The following CLASRP variants were observed in gnomAD, a reference collection of about 807,000 sequenced individuals.
CLASRP encodes the protein CLK4-associating serine/arginine rich protein.
A neutral mutation model predicts 99.9 loss-of-function variants in CLASRP; 52 were observed. That is an observed-to-expected ratio of 0.52 (90% CI 0.42 to 0.66). The LOEUF is 0.66. Among genes scored for constraint, CLASRP ranks in the 30% least tolerant of loss-of-function variants. The pLI, the probability that CLASRP is intolerant of heterozygous loss-of-function variation, is 0.00. For missense variants in CLASRP, 848 were observed against 999.2 expected, an observed-to-expected ratio of 0.85 and a Z score of 2.04; for synonymous variants, 379 against 373.0, an observed-to-expected ratio of 1.02 and a Z score of -0.18.
chr19:45,045,507 A>G (rs1449060570), intron 2 of CLASRP, among the ~76,000 whole-genome samples: 1 of 151,656 alleles, frequency 6.6e-6, no homozygotes, highest in African/African-American at 2.4e-5. Context: ...GGAGAATAAG[A>G]CCCTGTCTTT....
rs1485605232 is a variant in CLASRP, at chr19:45,052,886, C to T, written c.293C>T (p.Thr98Ile). Residue 98 changes from threonine to isoleucine, a missense_variant, in exon 4 of 21, where the codon ACC becomes ATC. Around this residue, in one of 8 missense-constraint regions of CLASRP, gnomAD observed 54 missense variants for 38.7 expected, o/e 1.39. Coordinates refer to ENST00000221455, the MANE Select transcript of CLASRP (RefSeq NM_007056.3). ...CCCGACTACACCCCCCCTCTGCTCA[C>T]CACCATGTAAGCCACCTCCCAGGGG... ...HIPDYTPPLL[T>I]TISPEQESDE... is the part of the protein sequence containing the mutation. 1.2e-6 allele frequency: 2 copies of T among 1,605,606 alleles called. No individual in the cohort carries two copies. Among genetic ancestry groups the T allele is most frequent in the Non-Finnish European group, 1.7e-6 (2 of 1,176,830 alleles).
chr19:45,057,926 C>A (rs763813777), intron 7 of CLASRP, 28 bp downstream of exon 7: 2 of 1,612,492 alleles, frequency 1.2e-6, no homozygotes, highest in Non-Finnish European at 1.7e-6. Flanking sequence ...CCCTCCCCAC[C>A]TGCAGTCCCT....
chr19:45,069,306 C>T lies in CLASRP; in HGVS notation c.1874+58C>T. The T allele has an allele frequency of 2.6e-6, 4 of 1,557,404 alleles. No homozygotes were observed. In the South Asian group the frequency reaches 4.5e-5, roughly 17 times the overall value. On this transcript the variant is annotated intron_variant, in intron 18 of 20. Coordinates refer to ENST00000221455, the MANE Select transcript of CLASRP (RefSeq NM_007056.3). The stretch of plus-strand genomic sequence containing the variant: ...CACCTCCTGGCCTGCCTGGCCTTCC[C>T]ACCATGGGCTGCTGGCTCAAGCCCT...
Position 45,069,019 on chromosome 19 carries a change from G to A in CLASRP, c.1769-47G>A, listed in dbSNP as rs1333562966. On this transcript the variant is annotated intron_variant, in intron 16 of 20. Transcript: ENST00000221455. The stretch of plus-strand genomic sequence containing the variant: ...AAAAAAAAAAAGAAAAAAGAGAGTG[G>A]GGCTCTTAAGGGAACCCCTCAGCCA... The A allele has an allele frequency of 3.3e-6, 5 of 1,515,612 alleles. No individual in the cohort carries two copies. In the African/African-American group the frequency reaches 4.1e-5, roughly 13 times the overall value. The allele number at this position is 1,515,612 out of a possible 1,614,324, so 93.9% of individuals were successfully genotyped here.
intron 10 of CLASRP, among the ~76,000 whole-genome samples, chr19:45,061,273 C>T (rs1966932656): frequency 6.6e-6 from 1 of 152,180 alleles, no homozygotes; most frequent in Non-Finnish European, 1.5e-5. Context: ...GGAAACATTC[C>T]TTAAAGAATA....
chr19:45,062,141 CT>C lies in CLASRP; in HGVS notation c.864-9del. The C allele has an allele frequency of 6.7e-7, 1 of 1,488,914 alleles. No homozygotes were observed. The highest frequency in any genetic ancestry group is 9.4e-7 in the Non-Finnish European group (1 of 1,066,524). 92.2% of individuals were successfully genotyped at this position (1,488,914 alleles called of 1,614,324 possible). A position where few individuals can be genotyped will look rare whatever the true frequency, so the allele number is the denominator to read the frequency against. ...AAGCCCTAATTTGTCCCACCCCATTCTTTTCTCTGTAGCTATGCCCGCCGAG... is the reference window on the plus strand; with the variant it reads ...AAGCCCTAATTTGTCCCACCCCATTCTTTCTCTGTAGCTATGCCCGCCGAG... On this transcript the variant is annotated splice_polypyrimidine_tract_variant and intron_variant, in intron 10 of 20. Coordinates refer to ENST00000221455, the MANE Select transcript of CLASRP (RefSeq NM_007056.3).
At position 45,039,362 on chromosome 19, in the gene CLASRP, A is replaced by C. The variant is rs533182360; in HGVS notation, c.-30+254A>C. Among the ~76,000 whole-genome samples the C allele has an allele frequency of 4.1e-3, 606 of 148,982 alleles. 6 individuals are homozygous for C. The highest frequency in any genetic ancestry group is 0.015 in the African/African-American group (579 of 39,174). ...ACAGGCCCCGCCCCCTTGTCAAAAA[A>C]AAAAACAACAAAAAAAAAACCCAGC... is the stretch of plus-strand genomic sequence containing the variant. On this transcript the variant is annotated intron_variant, in intron 1 of 20. Transcript: ENST00000221455.
rs140584027 is a variant in CLASRP, at chr19:45,070,074, C to T, written c.1927C>T (p.Arg643Trp). 2 of 1,607,116 alleles carry T rather than the reference C, an allele frequency of 1.2e-6. No individual in the cohort carries two copies. Among genetic ancestry groups the T allele is most frequent in the Non-Finnish European group, 1.7e-6 (2 of 1,173,682 alleles). ...EREEWERQYS[R>W]QSRSPSPRYS... ...AGAAGAGTGGGAACGCCAGTACAGCCGGCAGAGCCGCTCACCCTCCCCCCG... is the reference window on the plus strand; with the variant it reads ...AGAAGAGTGGGAACGCCAGTACAGCTGGCAGAGCCGCTCACCCTCCCCCCG... Residue 643 changes from arginine to tryptophan, a missense_variant, in exon 19 of 21, where the codon CGG (arginine) becomes TGG (tryptophan). Arg to Trp is a moderately radical substitution (Grantham distance 101). Coordinates refer to ENST00000221455, the MANE Select transcript of CLASRP (RefSeq NM_007056.3).
chr19:45,056,661 T>C (rs1972124841), intron 6 of CLASRP, 127 bp downstream of exon 6: 3 of 760,404 alleles, frequency 3.9e-6, no homozygotes. Flanking sequence ...CAGCACACAG[T>C]CAGTGCTCAA....
intron 13 of CLASRP, among the ~76,000 whole-genome samples, chr19:45,066,852 G>GACTGGA (rs1967098652): frequency 6.6e-6 from 1 of 152,098 alleles, no homozygotes; most frequent in Non-Finnish European, 1.5e-5. Context: ...CGCATCCCCA[G>GACTGGA]ACTGGAACTT....
chr19:45,069,761 C>T (rs1967190574), intron 18 of CLASRP: 1 of 504,254 alleles, frequency 2.0e-6, no homozygotes, highest in Non-Finnish European at 3.6e-6. Flanking sequence ...TGTGCAGGTG[C>T]CCCAGTGCGG....
chr19:45,049,419 G>A (rs930435547), intron 2 of CLASRP, among the ~76,000 whole-genome samples: 3 of 152,186 alleles, frequency 2.0e-5, no homozygotes, highest in African/African-American at 7.2e-5. Context: ...CTCCAGCAGC[G>A]CCACCTCGCT....
rs755643486 is a variant in CLASRP at position 45,048,077 on chromosome 19, AAAAC to A, written c.100-3982_100-3979del. The stretch of plus-strand genomic sequence containing the variant: ...GCAACAAGAGTGAAACTCTTGTCTC[AAAAC>A]AAACAAACAAAAAATTACTCTTAAA... On this transcript the variant is annotated intron_variant, in intron 2 of 20. Coordinates refer to ENST00000221455, the MANE Select transcript of CLASRP (RefSeq NM_007056.3). Among the ~76,000 whole-genome samples, 7 of 151,970 alleles carry A rather than the reference AAAAC, an allele frequency of 4.6e-5. No homozygotes were observed. In the East Asian group the frequency reaches 9.8e-4, roughly 21 times the overall value.
In CLASRP at chr19:45,067,355, G is replaced by A; in HGVS notation, c.1428G>A (p.Gly476=). The change falls in exon 14 of 21, where the codon GGG becomes GGA. Residue 476 remains glycine (G), a synonymous_variant. Coordinates refer to ENST00000221455, the MANE Select transcript of CLASRP (RefSeq NM_007056.3). The surrounding 1 kb of genome is among the most constrained non-coding windows in gnomAD (Gnocchi z 4.9). ...TCCCCAGGAGCCGCTCCCACTCAGG[G>A]GACCGCTACAGGCGGGGCGGCCGGG... ...RRRSRSRSHS[G]DRYRRGGRGL... 4.6e-6 allele frequency: 7 copies of A among 1,522,046 alleles called. No homozygotes were observed. Among genetic ancestry groups the A allele is most frequent in the Non-Finnish European group, 5.3e-6 (6 of 1,139,400 alleles). 94.3% of individuals were successfully genotyped at this position (1,522,046 alleles called of 1,614,324 possible).
At position 45,044,540 on chromosome 19, in the gene CLASRP, C is replaced by T. The variant is rs74372617; in HGVS notation, c.99+4229C>T. ...TTAACCTCTCTAAGCTTTTCACCTG[C>T]GCCTTATCATGCAGAAATAGAGGTT... is the stretch of plus-strand genomic sequence containing the variant. On this transcript the variant is annotated intron_variant, in intron 2 of 20. Coordinates refer to ENST00000221455, the MANE Select transcript of CLASRP (RefSeq NM_007056.3). Among the ~76,000 whole-genome samples, 992 of 152,254 alleles carry T rather than the reference C, an allele frequency of 6.5e-3. 9 individuals carry two copies. Among genetic ancestry groups the T allele is most frequent in the African/African-American group, 0.023 (952 of 41,544 alleles).
Position 45,064,720 on chromosome 19 carries a change from C to T in CLASRP, c.1409+90C>T, listed in dbSNP as rs922042902. 3 of 1,454,162 alleles carry T rather than the reference C, an allele frequency of 2.1e-6. No individual in the cohort carries two copies. In the African/African-American group the frequency reaches 4.2e-5, roughly 21 times the overall value. The allele number at this position is 1,454,162 out of a possible 1,614,324, so 90.1% of individuals were successfully genotyped here. On this transcript the variant is annotated intron_variant, in intron 13 of 20. Transcript: ENST00000221455. ...AGGTGCTCAGAGGGAGGAAACCTGG[C>T]CGTCCAGCTCAGAGAACACCCCATC...
intron 2 of CLASRP, among the ~76,000 whole-genome samples, chr19:45,050,352 C>T (rs558187044): frequency 4.6e-5 from 7 of 152,330 alleles, no homozygotes; most frequent in African/African-American, 1.4e-4. Flanking sequence ...GATACCACTT[C>T]ACCCACACTA....
intron 2 of CLASRP, among the ~76,000 whole-genome samples, chr19:45,051,221 G>A (rs371784366): frequency 3.3e-5 from 5 of 152,228 alleles, no homozygotes; most frequent in East Asian, 3.9e-4. Context: ...GAGTTAAGGG[G>A]GCTGATATTT....
intron 2 of CLASRP, among the ~76,000 whole-genome samples, chr19:45,043,506 T>G (rs1279384447): frequency 6.6e-6 from 1 of 152,014 alleles, no homozygotes; most frequent in Admixed American, 6.6e-5. Context: ...TTGGGTCACG[T>G]TTGTACCCTA....
Sources: gnomAD v4.1 joint callset for allele counts (sites outside exome capture counted in the v4.1 genomes callset) on GRCh38, gnomAD v4.1.1 for gene constraint, gnomAD v4.1.1 regional missense constraint, Gnocchi (gnomAD v3.1) non-coding constraint, MANE v1.5 for transcripts, NCBI Gene and HGNC (gene_info 2026-07-23, HGNC 2026-07-21) for gene names.